Variants in AGBL1 observed in about 807,000 individuals in gnomAD.
The protein encoded by AGBL1 is cytosolic carboxypeptidase 4.
Under a neutral mutation model 118.9 loss-of-function variants are expected in AGBL1, and 130 were observed. The ratio of observed to expected loss-of-function variants is 1.09; its 90% confidence interval spans 0.95 to 1.26. The LOEUF is 1.26. Ranked by LOEUF, AGBL1 falls within the 50% of genes most tolerant of loss-of-function variation. AGBL1 has a pLI of 0.00. For synonymous variants in AGBL1, 555 were observed against 478.9 expected (o/e 1.16, Z -2.08); for missense variants, 1,584 against 1,298.1 (o/e 1.22, Z -3.38).
rs374703938 is a variant in AGBL1, at chr15:86,257,948, C to A, written c.902-16C>A. The A allele has an allele frequency of 1.9e-6, 3 of 1,612,412 alleles. No individual in the cohort carries two copies. Among genetic ancestry groups the A allele is most frequent in the Non-Finnish European group, 1.7e-6 (2 of 1,179,298 alleles). On this transcript the variant is annotated splice_polypyrimidine_tract_variant and intron_variant, in intron 8 of 22. Transcript: ENST00000614907. ...AGGGGAAACTTCACTTATTTCACCTCTTTTTCCCCATCCAGAGGATTTTGA... is the reference window on the plus strand; with the variant it reads ...AGGGGAAACTTCACTTATTTCACCTATTTTTCCCCATCCAGAGGATTTTGA...
chr15:86,954,502 G>A (rs1394527841), intron 23 of AGBL1, among the ~76,000 whole-genome samples: 1 of 152,154 alleles, frequency 6.6e-6, no homozygotes, highest in Non-Finnish European at 1.5e-5. Context: ...CTTTGCAGCA[G>A]CATAGATGCA....
chr15:86,339,015 G>A (rs1445157231), intron 17 of AGBL1, among the ~76,000 whole-genome samples: 4 of 152,104 alleles, frequency 2.6e-5, no homozygotes, highest in Non-Finnish European at 4.4e-5. Flanking sequence ...AATTTTGTCA[G>A]TGCTTTTTAT....
chr15:86,428,352 A>C (rs1393257245), intron 18 of AGBL1, among the ~76,000 whole-genome samples: 2 of 152,194 alleles, frequency 1.3e-5, no homozygotes, highest in African/African-American at 4.8e-5. Context: ...ACAATTAACT[A>C]TCCCAAAGTA....
chr15:86,210,465 A>G (rs1380487489), intron 5 of AGBL1, among the ~76,000 whole-genome samples: 3 of 152,114 alleles, frequency 2.0e-5, no homozygotes, highest in East Asian at 1.9e-4. Flanking sequence ...TCAAATGTAT[A>G]TTTGGTCTTT....
chr15:86,654,867 C>G (rs971396950), intron 21 of AGBL1, among the ~76,000 whole-genome samples: 1 of 152,072 alleles, frequency 6.6e-6, no homozygotes, highest in Non-Finnish European at 1.5e-5. Context: ...CAAATGGGAG[C>G]TTCTCATAGC....
chr15:86,993,561 G>A (rs1449105510), intron 24 of AGBL1, among the ~76,000 whole-genome samples: 1 of 152,174 alleles, frequency 6.6e-6, no homozygotes, highest in African/African-American at 2.4e-5. Flanking sequence ...GGTTTCTGAG[G>A]GGTGGGGTTG....
At chr15:86,282,990 G>T (rs2079379616) in intron 16 of AGBL1, among the ~76,000 whole-genome samples, 1 of 152,140 alleles carries the variant, frequency 6.6e-6, no homozygotes, top group Admixed American at 6.5e-5. Flanking sequence ...AAGGAAATTA[G>T]TATTTGGTTC....
At chr15:86,207,238 C>T (rs1027999485) in intron 5 of AGBL1, among the ~76,000 whole-genome samples, 4 of 152,046 alleles carry the variant, frequency 2.6e-5, no homozygotes, top group African/African-American at 9.7e-5. Flanking sequence ...TGAAGTCAGG[C>T]AGCATGATGC....
At chr15:86,344,333 C>G (rs970546715) in intron 17 of AGBL1, among the ~76,000 whole-genome samples, 1 of 152,164 alleles carries the variant, frequency 6.6e-6, no homozygotes, top group African/African-American at 2.4e-5. Context: ...TATTGAAGTT[C>G]TGCCAAGCAC....
rs570918808 is a variant in AGBL1, at chr15:87,006,107, G to T, written c.3323+18019G>T. 5.9e-5 allele frequency among the ~76,000 whole-genome samples: 9 copies of T among 152,320 alleles called. No individual in the cohort carries two copies. The South Asian group carries it at 1.4e-3, about 25-fold the overall frequency. On this transcript the variant is annotated intron_variant, in intron 24 of 24. Coordinates refer to the AGBL1 transcript ENST00000441037. ...TTTGAGGTATCAGTCTGCCCCTACT[G>T]TTGGGTGCCTGCCAGTTAGGCTACT... is the stretch of plus-strand genomic sequence containing the variant.
chr15:86,791,359 A>C (rs1454329458), intron 22 of AGBL1, among the ~76,000 whole-genome samples: 1 of 152,162 alleles, frequency 6.6e-6, no homozygotes, highest in Non-Finnish European at 1.5e-5. Context: ...ATGAGTTTTC[A>C]CTTTTGCCTG....
chr15:86,982,691 AT>A, intron 23 of AGBL1, among the ~76,000 whole-genome samples: 1 of 152,228 alleles, frequency 6.6e-6, no homozygotes, highest in African/African-American at 2.4e-5. Flanking sequence ...CAGTAAACAT[AT>A]TTTCTCTTTC....
chr15:86,903,660 A>C (rs2141585865), intron 22 of AGBL1, among the ~76,000 whole-genome samples: 1 of 152,264 alleles, frequency 6.6e-6, no homozygotes, highest in South Asian at 2.1e-4. Flanking sequence ...CACACAACAG[A>C]AAAAGGGAGC....
chr15:86,154,579 G>A lies in AGBL1; in HGVS notation c.394+18G>A, dbSNP rs368702760. The A allele has an allele frequency of 2.4e-5, 38 of 1,590,614 alleles. No individual in the cohort carries two copies. The African/African-American group carries it at 4.5e-4, about 19-fold the overall frequency. Reference sequence around the variant, plus strand: ...CTCCAGTGGTAAGTGACTCTATTGTGGCTCTCGGGGATGGCTTCCAAACCT... The same window carrying A: ...CTCCAGTGGTAAGTGACTCTATTGTAGCTCTCGGGGATGGCTTCCAAACCT... On this transcript the variant is annotated intron_variant, in intron 4 of 22. Coordinates refer to ENST00000614907, the MANE Select transcript of AGBL1 (RefSeq NM_001386094.1).
At chr15:86,527,386 TA>T (rs1438505351) in intron 19 of AGBL1, among the ~76,000 whole-genome samples, 1 of 152,196 alleles carries the variant, frequency 6.6e-6, no homozygotes, top group East Asian at 1.9e-4. Context: ...TAATTAGCTA[TA>T]AACATGACAG....
rs767077841 is a variant in AGBL1 at position 86,271,652 on chromosome 15, C to A, written c.2021C>A (p.Ala674Asp). The change falls in exon 15 of 23, where the codon GCT becomes GAT. Residue 674 changes from alanine to aspartate, a missense_variant. Coordinates refer to ENST00000614907, the MANE Select transcript of AGBL1 (RefSeq NM_001386094.1). ...CCCACCCTATATTCTGTGAAGGAGGCTCTTCTTGGCAAACCCACCTGGATA... is the reference window on the plus strand; with the variant it reads ...CCCACCCTATATTCTGTGAAGGAGGATCTTCTTGGCAAACCCACCTGGATA... ...MQPTLYSVKE[A>D]LLGKPTWIRT... The A allele has an allele frequency of 1.9e-5, 31 of 1,613,048 alleles. No individual in the cohort carries two copies. Among genetic ancestry groups the A allele is most frequent in the Non-Finnish European group, 9.3e-6 (11 of 1,179,202 alleles).
chr15:86,563,625 G>A (rs1406296132), intron 21 of AGBL1, among the ~76,000 whole-genome samples: 1 of 152,198 alleles, frequency 6.6e-6, no homozygotes, highest in East Asian at 1.9e-4. Flanking sequence ...GGGGTGGATG[G>A]TTATGTGGAT....
At chr15:86,694,265 T>C (rs2086219115) in intron 22 of AGBL1, among the ~76,000 whole-genome samples, 1 of 152,116 alleles carries the variant, frequency 6.6e-6, no homozygotes. Flanking sequence ...TCTTCTATGT[T>C]TTCTTTCAGC....
At chr15:86,100,999 C>T (rs1330544896) in intron 1 of AGBL1, among the ~76,000 whole-genome samples, 1 of 151,998 alleles carries the variant, frequency 6.6e-6, no homozygotes, top group African/African-American at 2.4e-5. Flanking sequence ...TTGATGTAGG[C>T]ATTTATTGCT....
Sources: gnomAD v4.1 joint callset for allele counts (sites outside exome capture counted in the v4.1 genomes callset) on GRCh38, gnomAD v4.1.1 for gene constraint, MANE v1.5 for transcripts, NCBI Gene and HGNC (gene_info 2026-07-23, HGNC 2026-07-21) for gene names.